The following TBC1D22A variants were observed in gnomAD, a reference collection of about 807,000 sequenced individuals.
TBC1D22A encodes putative GTPase activator.
A neutral mutation model predicts 60.2 loss-of-function variants in TBC1D22A; 38 were observed. The observed-to-expected ratio is 0.63, with a 90% CI of 0.49 to 0.83. The LOEUF (loss-of-function observed/expected upper bound fraction) is 0.83, where lower values mean the gene tolerates loss of function less well. Ranked by LOEUF, TBC1D22A falls within the 40% of genes least tolerant of loss-of-function variation. The pLI, the probability that TBC1D22A is intolerant of heterozygous loss-of-function variation, is 0.00. For synonymous variants in TBC1D22A, 302 were observed against 281.7 expected, an observed-to-expected ratio of 1.07 and a Z score of -0.72; for missense variants, 628 against 701.0, an observed-to-expected ratio of 0.90 and a Z score of 1.18.
chr22:47,059,644 A>G (rs1327795696), intron 11 of TBC1D22A, among the ~76,000 whole-genome samples: 1 of 152,018 alleles, frequency 6.6e-6, no homozygotes, highest in African/African-American at 2.4e-5. Flanking sequence ...TTAAGCTCCC[A>G]CCTCCAAGTG....
chr22:47,099,120 G>A (rs995245074), intron 11 of TBC1D22A, among the ~76,000 whole-genome samples: 3 of 152,252 alleles, frequency 2.0e-5, no homozygotes, highest in African/African-American at 7.2e-5. Context: ...CAGAAAGCCA[G>A]GAGTCCTGAG....
chr22:47,119,961 T>A (rs2066212756), intron 12 of TBC1D22A, among the ~76,000 whole-genome samples: 1 of 152,166 alleles, frequency 6.6e-6, no homozygotes, highest in Non-Finnish European at 1.5e-5. Flanking sequence ...CCCATCAGCC[T>A]CCTTCACGGC....
At chr22:46,853,209 G>A (rs1217952321) in intron 4 of TBC1D22A, among the ~76,000 whole-genome samples, 2 of 151,992 alleles carry the variant, frequency 1.3e-5, no homozygotes, top group Non-Finnish European at 2.9e-5. Context: ...GCCTCCCCTC[G>A]TCCATCCTTT....
intron 4 of TBC1D22A, among the ~76,000 whole-genome samples, chr22:46,800,366 T>C (rs1051957586): frequency 4.0e-5 from 6 of 151,714 alleles, no homozygotes; most frequent in East Asian, 1.9e-4. Flanking sequence ...GAGATAAAGG[T>C]AGATCGTGCT....
chr22:47,147,431 C>G (rs752367655), intron 12 of TBC1D22A, among the ~76,000 whole-genome samples: 5 of 152,178 alleles, frequency 3.3e-5, no homozygotes, highest in Admixed American at 1.3e-4. Context: ...TGCTGCCGGC[C>G]TGGTATATAG....
intron 8 of TBC1D22A, among the ~76,000 whole-genome samples, chr22:46,931,179 C>T (rs556597978): frequency 1.8e-4 from 28 of 152,272 alleles, no homozygotes; most frequent in African/African-American, 6.5e-4. Flanking sequence ...ATTCCTTTCT[C>T]CATTATCTGG....
At chr22:47,156,359 T>C (rs755999824) in intron 12 of TBC1D22A, among the ~76,000 whole-genome samples, 3 of 152,228 alleles carry the variant, frequency 2.0e-5, no homozygotes, top group Middle Eastern at 3.4e-3. Flanking sequence ...GGTTGTATGG[T>C]AGTCAGGTCC....
chr22:47,090,412 A>G (rs1282179669), intron 11 of TBC1D22A, among the ~76,000 whole-genome samples: 2 of 152,236 alleles, frequency 1.3e-5, no homozygotes, highest in African/African-American at 4.8e-5. Flanking sequence ...CTCGTCCCCT[A>G]CTGCCACTCT....
At chr22:46,856,942 G>C (rs988977627) in intron 4 of TBC1D22A, among the ~76,000 whole-genome samples, 1 of 152,250 alleles carries the variant, frequency 6.6e-6, no homozygotes, top group African/African-American at 2.4e-5. Flanking sequence ...ATGAGGTTGG[G>C]ATGCGAGCTA....
At chr22:46,912,602 G>T (rs980951288) in intron 8 of TBC1D22A, among the ~76,000 whole-genome samples, 1 of 152,148 alleles carries the variant, frequency 6.6e-6, no homozygotes, top group African/African-American at 2.4e-5. Context: ...TGCTGCCCAG[G>T]CTGGAGTATA....
intron 12 of TBC1D22A, among the ~76,000 whole-genome samples, chr22:47,131,999 CTT>C (rs2147118496): frequency 6.6e-6 from 1 of 152,336 alleles, no homozygotes; most frequent in African/African-American, 2.4e-5. Flanking sequence ...GACTGATAAA[CTT>C]TGGTCAAGTA....
intron 4 of TBC1D22A, among the ~76,000 whole-genome samples, chr22:46,805,175 C>T (rs1453396302): frequency 6.6e-6 from 1 of 152,232 alleles, no homozygotes; most frequent in Non-Finnish European, 1.5e-5. Context: ...CCTCCTGTTC[C>T]AGTGACTGGC....
chr22:46,863,081 G>A (rs2066893123), intron 4 of TBC1D22A, among the ~76,000 whole-genome samples: 1 of 152,162 alleles, frequency 6.6e-6, no homozygotes, highest in South Asian at 2.1e-4. Flanking sequence ...GGGGGAGAGA[G>A]CAACTCTCAC....
At chr22:46,842,399 G>A (rs1569117501) in intron 4 of TBC1D22A, among the ~76,000 whole-genome samples, 1 of 152,070 alleles carries the variant, frequency 6.6e-6, no homozygotes, top group Non-Finnish European at 1.5e-5. Flanking sequence ...ACTTGTCATG[G>A]CCATCCATTG....
chr22:46,911,593 C>CAATA (rs1420922952), intron 7 of TBC1D22A, among the ~76,000 whole-genome samples: 2 of 151,998 alleles, frequency 1.3e-5, no homozygotes, highest in East Asian at 3.8e-4. Flanking sequence ...GCTTGTGGGA[C>CAATA]AATAAATAAT....
intron 6 of TBC1D22A, among the ~76,000 whole-genome samples, chr22:46,892,908 C>T (rs949649663): frequency 5.3e-5 from 8 of 152,228 alleles, no homozygotes; most frequent in East Asian, 3.8e-4. Context: ...CCTGTGGCAA[C>T]GCGGTAGTTT....
chr22:46,770,778 C>G (rs1396048204), intron 1 of TBC1D22A, among the ~76,000 whole-genome samples: 1 of 152,212 alleles, frequency 6.6e-6, no homozygotes, highest in African/African-American at 2.4e-5. Flanking sequence ...TTTTATAAAT[C>G]TGTATTGCCT....
chr22:47,106,208 A>G (rs1290775357), intron 11 of TBC1D22A, among the ~76,000 whole-genome samples: 3 of 152,254 alleles, frequency 2.0e-5, no homozygotes, highest in Non-Finnish European at 2.9e-5. Flanking sequence ...CCCCAACTCT[A>G]TATGATCTGA....
At chr22:46,842,502 C>T (rs11090898) in intron 4 of TBC1D22A, among the ~76,000 whole-genome samples, 53,412 of 152,110 alleles carry the variant, frequency 0.35, 10,111 homozygotes, top group African/African-American at 0.51. Flanking sequence ...TTGGATGCAT[C>T]TCAAAGTAAG....
Sources: allele counts gnomAD v4.1 joint callset (sites outside exome capture counted in the v4.1 genomes callset), GRCh38; gene constraint gnomAD v4.1.1; transcripts MANE v1.5; gene names NCBI Gene and HGNC (gene_info 2026-07-23, HGNC 2026-07-21).